Variants in LYRM9 observed in about 807,000 individuals in gnomAD.
LYRM9 encodes LYR motif-containing protein 9.
In LYRM9, 14 loss-of-function variants were observed where a neutral mutation model predicts 12.6. The ratio of observed to expected loss-of-function variants is 1.11; its 90% confidence interval spans 0.73 to 1.73. LYRM9 has a LOEUF of 1.73. Among genes scored for constraint, LYRM9 ranks in the 40% most tolerant of loss-of-function variants. The probability of loss-of-function intolerance (pLI) is 0.00; values close to 1 mark genes in which losing one functional copy is unlikely to be tolerated. For missense variants in LYRM9, 94 were observed against 95.0 expected, an observed-to-expected ratio of 0.99 and a Z score of 0.04; for synonymous variants, 42 against 35.1, an observed-to-expected ratio of 1.20 and a Z score of -0.69.
chr17:27,880,497 T>C (rs896186260), intron 2 of LYRM9, 131 bp from the exon 3 acceptor site: 3 of 638,468 alleles, frequency 4.7e-6, no homozygotes, highest in African/African-American at 3.7e-5. Context: ...CTCCATAGAC[T>C]GTTATGATTA....
chr17:27,885,056 T>A (rs997702461), intron 1 of LYRM9, among the ~76,000 whole-genome samples: 24 of 152,172 alleles, frequency 1.6e-4, no homozygotes, highest in African/African-American at 5.5e-4. Context: ...AGTGGATAGG[T>A]GGTTGTCTGA....
Position 27,879,332 on chromosome 17 carries a change from T to C in LYRM9, c.*141A>G, listed in dbSNP as rs372804836. ...ACATGGCCGCGGCAAGAGGAGCCTC[T>C]GGAGCAAGGTCAGCTTCTCCCCTGA... On this transcript the variant is annotated 3_prime_UTR_variant, in exon 4 of 4. Transcript: ENST00000379102. 3.5e-6 allele frequency: 3 copies of C among 856,218 alleles called. No homozygotes were observed. Among genetic ancestry groups the C allele is most frequent in the East Asian group, 6.2e-5 (2 of 32,326 alleles). The allele number at this position is 856,218 out of a possible 1,614,324, so 53.0% of individuals were successfully genotyped here.
chr17:27,883,091 G>A (rs1234786175), intron 1 of LYRM9: 2 of 466,860 alleles, frequency 4.3e-6, no homozygotes, highest in Non-Finnish European at 4.4e-6. Context: ...TCTGGCGAGG[G>A]CACCAAGCCA....
chr17:27,888,946 T>C (rs945974862), intron 1 of LYRM9, among the ~76,000 whole-genome samples: 4 of 152,062 alleles, frequency 2.6e-5, no homozygotes, highest in African/African-American at 9.7e-5. Flanking sequence ...GACAAAATCT[T>C]CCCTCACCTC....
At chr17:27,881,247 A>AG (rs1395924892) in intron 2 of LYRM9, 5 of 151,840 alleles carry the variant, frequency 3.3e-5, no homozygotes, top group African/African-American at 1.0e-4. Flanking sequence ...CAAAAAAAAA[A>AG]AAAAAAAAAA....
chr17:27,883,568 T>C (rs1440752979), intron 1 of LYRM9, among the ~76,000 whole-genome samples: 2 of 150,106 alleles, frequency 1.3e-5, no homozygotes, highest in African/African-American at 2.5e-5. Context: ...GAGGATCACT[T>C]AAACCCCAGA....
Position 27,888,050 on chromosome 17 carries a change from G to A in LYRM9, c.-19+5267C>T, listed in dbSNP as rs898742778. 7.2e-5 allele frequency among the ~76,000 whole-genome samples: 11 copies of A among 152,168 alleles called. No individual in the cohort carries two copies. The South Asian group carries it at 1.2e-3, about 17-fold the overall frequency. On this transcript the variant is annotated intron_variant, in intron 1 of 3. Transcript: ENST00000379102. Reference sequence around the variant, plus strand: ...AACAATTTAAATGTTAATCTCACCCGCATTGAAACACCCAGAATAATGTTT... The same window carrying A: ...AACAATTTAAATGTTAATCTCACCCACATTGAAACACCCAGAATAATGTTT...
intron 2 of LYRM9, 129 bp downstream of exon 2, chr17:27,882,440 G>T: frequency 7.8e-7 from 1 of 1,289,834 alleles, no homozygotes; most frequent in Non-Finnish European, 1.0e-6. Flanking sequence ...GGTTTCCTGT[G>T]GCTCTTCCCA....
chr17:27,891,802 T>G (rs1905461392), intron 1 of LYRM9: 1 of 152,326 alleles, frequency 6.6e-6, no homozygotes, highest in African/African-American at 2.4e-5. Flanking sequence ...TCTGGACTTC[T>G]GCTTCCCCCA....
rs903960170 is a variant in LYRM9, at chr17:27,878,918, G to C, written c.*555C>G. 2.0e-5 allele frequency: 3 copies of C among 153,272 alleles called. No homozygotes were observed. Among genetic ancestry groups the C allele is most frequent in the Admixed American group, 6.5e-5 (1 of 15,288 alleles). The allele number at this position is 153,272 out of a possible 1,614,324, so 9.5% of individuals were successfully genotyped here. On this transcript the variant is annotated 3_prime_UTR_variant, in exon 4 of 4. Coordinates refer to ENST00000379102, the MANE Select transcript of LYRM9 (RefSeq NM_001076680.3). ...TGAGACCCGATGCGGTGCATGCGGG[G>C]AGCAGAGCTGTGCAGGGCGCTGCAG...
intron 3 of LYRM9, 107 bp downstream of exon 3, chr17:27,880,167 A>G: frequency 1.1e-6 from 1 of 883,224 alleles, no homozygotes; most frequent in Admixed American, 2.0e-5. Flanking sequence ...GGCCTCCTCC[A>G]CAGGGACCAT....
chr17:27,888,521 G>T (rs1437684426), intron 1 of LYRM9, among the ~76,000 whole-genome samples: 1 of 152,234 alleles, frequency 6.6e-6, no homozygotes, highest in Non-Finnish European at 1.5e-5. Context: ...TTATGTGGGA[G>T]AATCACTTTA....
At chr17:27,889,691 T>C (rs1162070165) in intron 1 of LYRM9, among the ~76,000 whole-genome samples, 1 of 152,204 alleles carries the variant, frequency 6.6e-6, no homozygotes, top group African/African-American at 2.4e-5. Context: ...TAGGGGGGTC[T>C]GTTATATCAA....
intron 1 of LYRM9, among the ~76,000 whole-genome samples, chr17:27,884,100 G>T (rs560090824): frequency 7.6e-6 from 1 of 132,232 alleles, no homozygotes; most frequent in South Asian, 2.6e-4. Flanking sequence ...TTGTATAAAT[G>T]GAATTATACA....
intron 1 of LYRM9, chr17:27,882,914 A>C: frequency 3.0e-6 from 2 of 668,086 alleles, no homozygotes; most frequent in African/African-American, 1.8e-5. Flanking sequence ...CACAAGACCA[A>C]AGGTGAGTGT....
intron 1 of LYRM9, among the ~76,000 whole-genome samples, chr17:27,885,670 A>G (rs1905207415): frequency 6.9e-6 from 1 of 144,972 alleles, no homozygotes; most frequent in South Asian, 2.3e-4. Flanking sequence ...CACGGCACTC[A>G]GCCCGGATGA....
intron 1 of LYRM9, among the ~76,000 whole-genome samples, chr17:27,883,475 C>G (rs1905132339): frequency 6.6e-6 from 1 of 151,944 alleles, no homozygotes; most frequent in African/African-American, 2.4e-5. Context: ...CACGGTGAAA[C>G]CCCGTCTCTA....
intron 1 of LYRM9, among the ~76,000 whole-genome samples, chr17:27,887,234 G>A (rs1010645997): frequency 2.6e-5 from 4 of 152,080 alleles, no homozygotes; most frequent in African/African-American, 9.7e-5. Flanking sequence ...CCAAAATGTA[G>A]AACAAATACC....
chr17:27,890,072 A>G (rs2142599708), intron 1 of LYRM9, among the ~76,000 whole-genome samples: 1 of 152,314 alleles, frequency 6.6e-6, no homozygotes, highest in Non-Finnish European at 1.5e-5. Flanking sequence ...AGGTTAAGTA[A>G]TTTGCCAAGA....
Sources: gnomAD v4.1 joint callset for allele counts (sites outside exome capture counted in the v4.1 genomes callset) on GRCh38, gnomAD v4.1.1 for gene constraint, MANE v1.5 for transcripts, NCBI Gene and HGNC (gene_info 2026-07-23, HGNC 2026-07-21) for gene names.